CMSS1: variants seen among roughly 807,000 people sequenced by gnomAD.
CMSS1 encodes the protein cms1 ribosomal small subunit homolog.
CMSS1 carries 33 observed loss-of-function variants against 43.5 expected under a neutral mutation model. The observed-to-expected ratio is 0.76, with a 90% CI of 0.57 to 1.01. The LOEUF (loss-of-function observed/expected upper bound fraction) is 1.01, where lower values mean the gene tolerates loss of function less well. Ranked by LOEUF, CMSS1 falls within the 50% of genes least tolerant of loss-of-function variation. CMSS1 has a pLI of 0.00. For synonymous variants in CMSS1, 115 were observed against 117.2 expected (o/e 0.98, Z 0.12); for missense variants, 313 against 326.4 (o/e 0.96, Z 0.32).
chr3:100,103,090 CT>C (rs767803965), intron 1 of CMSS1, among the ~76,000 whole-genome samples: 21 of 152,212 alleles, frequency 1.4e-4, no homozygotes, highest in Non-Finnish European at 1.0e-4. Context: ...CAGATCTAGT[CT>C]TTGTGAAATA....
At chr3:100,048,468 C>CCACACG (rs2065313368) in intron 1 of CMSS1, among the ~76,000 whole-genome samples, 1 of 152,106 alleles carries the variant, frequency 6.6e-6, no homozygotes, top group Non-Finnish European at 1.5e-5. Context: ...CCGAGGCAAG[C>CCACACG]TGTGACACGG....
chr3:100,097,833 A>G (rs1217878666), intron 1 of CMSS1, among the ~76,000 whole-genome samples: 1 of 152,210 alleles, frequency 6.6e-6, no homozygotes, highest in East Asian at 1.9e-4. Context: ...ACTCAGCTGG[A>G]TACTTGCTAC....
At chr3:99,938,074 T>TGCGC (rs57534383) in intron 1 of CMSS1, among the ~76,000 whole-genome samples, 1 of 85,210 alleles carries the variant, frequency 1.2e-5, no homozygotes, top group African/African-American at 4.0e-5. Context: ...TGTGTGTGTG[T>TGCGC]GCGCGCGCGC....
At chr3:100,146,647 A>T (rs1042285960) in intron 1 of CMSS1, among the ~76,000 whole-genome samples, 1 of 152,236 alleles carries the variant, frequency 6.6e-6, no homozygotes, top group Non-Finnish European at 1.5e-5. Context: ...TATTATCATC[A>T]TAAGACAGCC....
At chr3:100,040,699 C>T (rs1184440633) in intron 1 of CMSS1, 4 of 152,198 alleles carry the variant, frequency 2.6e-5, no homozygotes, top group Admixed American at 2.6e-4. Context: ...ATGACTATTA[C>T]AGGCTGAACA....
In CMSS1 at chr3:99,994,468, C is replaced by T. The variant is rs183309647; in HGVS notation, c.65-152505C>T. ...CAGCAAATAGAAAATTCTCTGAGGTCGATCACATGTTAGGCCACAAAACAA... is the reference window on the plus strand; with the variant it reads ...CAGCAAATAGAAAATTCTCTGAGGTTGATCACATGTTAGGCCACAAAACAA... On this transcript the variant is annotated intron_variant, in intron 1 of 9. Transcript: ENST00000421999. 7.9e-5 allele frequency among the ~76,000 whole-genome samples: 12 copies of T among 152,164 alleles called. No homozygotes were observed. The East Asian group carries it at 1.7e-3, about 22-fold the overall frequency.
intron 1 of CMSS1, chr3:99,930,768 C>T: frequency 6.2e-7 from 1 of 1,613,100 alleles, no homozygotes; most frequent in Non-Finnish European, 8.5e-7. Context: ...ACCCAGCTGA[C>T]CTGCAGTTCT....
At chr3:100,019,250 C>G (rs1710434814) in intron 1 of CMSS1, among the ~76,000 whole-genome samples, 1 of 152,138 alleles carries the variant, frequency 6.6e-6, no homozygotes. Context: ...GTTTCAGCTA[C>G]TCGGGAGGCT....
At chr3:100,012,191 T>C (rs1417568558) in intron 1 of CMSS1, among the ~76,000 whole-genome samples, 5 of 152,182 alleles carry the variant, frequency 3.3e-5, no homozygotes. Context: ...CTGTCTTTTA[T>C]ATTCCAAAAG....
chr3:100,057,017 T>C (rs887562200), intron 1 of CMSS1, among the ~76,000 whole-genome samples: 2 of 151,646 alleles, frequency 1.3e-5, no homozygotes, highest in African/African-American at 2.4e-5. Flanking sequence ...AAAAAAAGAA[T>C]TGGGCAAGTG....
chr3:99,990,126 A>G (rs2107128648), intron 1 of CMSS1, among the ~76,000 whole-genome samples: 1 of 152,280 alleles, frequency 6.6e-6, no homozygotes, highest in Middle Eastern at 3.4e-3. Context: ...CCCAGCAGCT[A>G]TTGTATGCCA....
At chr3:99,957,689 C>CTTTTTTTTTTTTTTTTTTT (rs1708363173) in intron 1 of CMSS1, among the ~76,000 whole-genome samples, 1 of 7,964 alleles carries the variant, frequency 1.3e-4, no homozygotes, top group Non-Finnish European at 3.0e-4. Context: ...TCTTTTCTTT[C>CTTTTTTTTTTTTTTTTTTT]TTTCTTTTTT....
intron 1 of CMSS1, among the ~76,000 whole-genome samples, chr3:99,919,627 C>T (rs1707061950): frequency 6.6e-6 from 1 of 151,756 alleles, no homozygotes; most frequent in Admixed American, 6.6e-5. Context: ...TGAGAGAAGC[C>T]TTTAAAAGTG....
chr3:100,147,012 T>A lies in CMSS1; in HGVS notation c.104T>A (p.Met35Lys), dbSNP rs202153141. ...DGEGEGDTEV[M>K]QQETVPVPVP... is the part of the protein sequence containing the mutation. ...GAAGGAGAAGGAGACACAGAAGTGA[T>A]GCAGCAGGAGACAGTTCCAGTTCCT... The change falls in exon 2 of 10, where the codon ATG (methionine) becomes AAG (lysine). Residue 35 changes from methionine to lysine, a missense_variant. Met to Lys is a moderately conservative substitution (Grantham distance 95). Transcript: ENST00000421999. The A allele has an allele frequency of 2.5e-5, 41 of 1,614,000 alleles. No individual in the cohort carries two copies. In the East Asian group the frequency reaches 9.1e-4, roughly 36 times the overall value.
At chr3:100,167,943 A>C (rs1457749273) in intron 6 of CMSS1, 103 bp downstream of exon 6, 3 of 707,054 alleles carry the variant, frequency 4.2e-6, no homozygotes, top group Non-Finnish European at 7.1e-6. Flanking sequence ...TAAACAAAAC[A>C]GAGTCCCTGC....
At chr3:99,928,554 G>T (rs573553525) in intron 1 of CMSS1, among the ~76,000 whole-genome samples, 174 of 152,242 alleles carry the variant, frequency 1.1e-3, no homozygotes, top group South Asian at 1.2e-3. Flanking sequence ...TGTAGAAGGG[G>T]GGTATTTCCA....
chr3:99,944,634 C>T (rs1707954107), intron 1 of CMSS1, among the ~76,000 whole-genome samples: 1 of 152,206 alleles, frequency 6.6e-6, no homozygotes, highest in Admixed American at 6.6e-5. Flanking sequence ...TGCCCCAAGC[C>T]ACAGAACTGG....
At chr3:99,970,789 A>G (rs1363967764) in intron 1 of CMSS1, among the ~76,000 whole-genome samples, 2 of 152,210 alleles carry the variant, frequency 1.3e-5, no homozygotes, top group East Asian at 1.9e-4. Flanking sequence ...GACCTTAAAC[A>G]TTATACTATC....
intron 1 of CMSS1, among the ~76,000 whole-genome samples, chr3:100,046,141 C>A (rs1426564803): frequency 6.6e-6 from 1 of 152,186 alleles, no homozygotes; most frequent in Non-Finnish European, 1.5e-5. Flanking sequence ...TAGCTGTATT[C>A]TCAATAACAG....
Sources: gnomAD v4.1 joint callset for allele counts (sites outside exome capture counted in the v4.1 genomes callset) on GRCh38, gnomAD v4.1.1 for gene constraint, MANE v1.5 for transcripts, NCBI Gene and HGNC (gene_info 2026-07-23, HGNC 2026-07-21) for gene names.